The following MAGEA8 variants were observed in gnomAD, a reference collection of about 807,000 sequenced individuals.
MAGEA8 encodes the protein MAGE family member A8.
For synonymous variants in MAGEA8, 104 were observed against 102.6 expected, an observed-to-expected ratio of 1.01 and a Z score of -0.08; for missense variants, 229 against 251.1, an observed-to-expected ratio of 0.91 and a Z score of 0.59.
intron 1 of MAGEA8, chrX:149,883,673 A>G (rs781803256): frequency 6.2e-5 from 7 of 112,217 alleles, no homozygotes; most frequent in African/African-American, 2.3e-4. Context: ...TGCCAGGAGA[A>G]AGATGAGGGC....
At chrX:149,881,668 C>CGGGCATGGCGGCT (rs2090730628) in intron 1 of MAGEA8, among the ~76,000 whole-genome samples, 1 of 103,612 alleles carries the variant, frequency 9.7e-6, no homozygotes, top group Non-Finnish European at 2.0e-5. Flanking sequence ...GCATGGCGGC[C>CGGGCATGGCGGCT]GGGCTCGCTG....
Position 149,885,427 on chromosome X carries a change from A to G in MAGEA8, c.*198A>G, listed in dbSNP as rs987143808. On this transcript the variant is annotated 3_prime_UTR_variant, in exon 3 of 3. Coordinates refer to ENST00000286482, the MANE Select transcript of MAGEA8 (RefSeq NM_005364.5). The stretch of plus-strand genomic sequence containing the variant: ...GGGAACACAGTGTGGACCATCTCTC[A>G]GTTCCTGTTCTATTGGGCGATTTGG... 5.3e-6 allele frequency: 2 copies of G among 380,264 alleles called. No homozygotes were observed. Among genetic ancestry groups the G allele is most frequent in the Admixed American group, 4.8e-5 (1 of 20,668 alleles). 31.3% of individuals were successfully genotyped at this position (380,264 alleles called of 1,213,427 possible).
In MAGEA8 at chrX:149,884,193, G is replaced by T. The variant is rs1479223365; in HGVS notation, c.-63-17G>T. ...AGTACCCAGCTGAGGCCTCTCACAC[G>T]CTTCCTCTCTCCCCAGGCCTGTGGG... On this transcript the variant is annotated splice_polypyrimidine_tract_variant and intron_variant, in intron 2 of 2. Coordinates refer to ENST00000286482, the MANE Select transcript of MAGEA8 (RefSeq NM_005364.5). 1.0e-5 allele frequency: 8 copies of T among 786,175 alleles called. No homozygotes were observed. Among genetic ancestry groups the T allele is most frequent in the Non-Finnish European group, 1.1e-5 (6 of 531,296 alleles). The allele number at this position is 786,175 out of a possible 1,213,427, so 64.8% of individuals were successfully genotyped here. A position where few individuals can be genotyped will look rare whatever the true frequency, so the allele number is the denominator to read the frequency against.
At chrX:149,881,591 A>AGGCATGGCGGCCG (rs781824148) in intron 1 of MAGEA8, among the ~76,000 whole-genome samples, 11,277 of 72,708 alleles carry the variant, frequency 0.16, 1,845 homozygotes, top group East Asian at 0.21. Flanking sequence ...GGGAAGCCCT[A>AGGCATGGCGGCCG]GGCATGGCGG....
rs140916437 is a variant in MAGEA8 at position 149,884,621 on chromosome X, G to A, written c.349G>A (p.Ala117Thr). The change falls in exon 3 of 3, where the codon GCT becomes ACT. Residue 117 changes from alanine to threonine, a missense_variant. Physicochemically the swap from Ala to Thr is moderately conservative, Grantham distance 58. Coordinates refer to ENST00000286482, the MANE Select transcript of MAGEA8 (RefSeq NM_005364.5). ...CCGGGAAGCACTTGATGAGAAAGTGGCTGAGTTAGTTCGTTTCCTGCTCCG... is the reference window on the plus strand; with the variant it reads ...CCGGGAAGCACTTGATGAGAAAGTGACTGAGTTAGTTCGTTTCCTGCTCCG... ...LFREALDEKV[A>T]ELVRFLLRKY... 4.0e-4 allele frequency: 489 copies of A among 1,209,570 alleles called. 1 individual carries two copies. The highest frequency in any genetic ancestry group is 2.8e-3 in the Middle Eastern group (12 of 4,338).
In MAGEA8 at chrX:149,884,640, T is replaced by C. The variant is rs1351152400; in HGVS notation, c.368T>C (p.Leu123Pro). 1.2e-5 allele frequency: 15 copies of C among 1,209,685 alleles called. No individual in the cohort carries two copies. The highest frequency in any genetic ancestry group is 1.7e-5 in the African/African-American group (1 of 57,374). The change falls in exon 3 of 3, where the codon CTG becomes CCG. Residue 123 changes from leucine to proline, a missense_variant. Physicochemically the swap from Leu to Pro is moderately conservative, Grantham distance 98. Coordinates refer to ENST00000286482, the MANE Select transcript of MAGEA8 (RefSeq NM_005364.5). ...DEKVAELVRFLLRKYQIKEPV... is the reference protein window; with the variant it reads ...DEKVAELVRFPLRKYQIKEPV... Reference sequence around the variant, plus strand: ...AAAGTGGCTGAGTTAGTTCGTTTCCTGCTCCGCAAATATCAAATTAAGGAG... The same window carrying C: ...AAAGTGGCTGAGTTAGTTCGTTTCCCGCTCCGCAAATATCAAATTAAGGAG...
chrX:149,885,094 C>T lies in MAGEA8; in HGVS notation c.822C>T (p.Phe274=), dbSNP rs1040224114. The part of the protein sequence containing the change: ...APGSDPVRYE[F]LWGPRALAET... The stretch of plus-strand genomic sequence containing the variant: ...GCAGTGATCCTGTGCGCTACGAGTT[C>T]CTGTGGGGTCCAAGGGCCCTTGCTG... Residue 274 remains phenylalanine (F), a synonymous_variant, in exon 3 of 3, where the codon TTC becomes TTT. Transcript: ENST00000286482. 25 of 1,210,013 alleles carry T rather than the reference C, an allele frequency of 2.1e-5. No homozygotes were observed. The highest frequency in any genetic ancestry group is 2.8e-5 in the Non-Finnish European group (25 of 895,050).
Position 149,885,329 on chromosome X carries a change from G to A in MAGEA8, c.*100G>A. On this transcript the variant is annotated 3_prime_UTR_variant, in exon 3 of 3. Transcript: ENST00000286482. The stretch of plus-strand genomic sequence containing the variant: ...CACCACTTTCCCTGCTCTGTTACAT[G>A]AGGCCCATTCTTCACTCTGTGTTTG... 1 of 623,481 alleles carries A rather than the reference G, an allele frequency of 1.6e-6. No homozygotes were observed. Among genetic ancestry groups the A allele is most frequent in the Non-Finnish European group, 2.5e-6 (1 of 392,228 alleles). The allele number at this position is 623,481 out of a possible 1,213,427, so 51.4% of individuals were successfully genotyped here.
chrX:149,881,609 TGGCGGCCGGGCATGGCGGCCGGG>T (rs2090728955), intron 1 of MAGEA8, among the ~76,000 whole-genome samples: 3 of 96,164 alleles, frequency 3.1e-5, no homozygotes, highest in African/African-American at 1.1e-4. Flanking sequence ...CGGCCGGGCA[TGGCGGCCGGGCATGGCGGCCGGG>T]CATGGCGGCC....
In MAGEA8 at chrX:149,885,488, T is replaced by C; in HGVS notation, c.*259T>C. On this transcript the variant is annotated 3_prime_UTR_variant, in exon 3 of 3. Transcript: ENST00000286482. ...TTGTTTCCTTTTGGAATTGTTCCAA[T>C]GTTCCTTCTAATGGATGGTGTAATG... 2.8e-6 allele frequency: 1 copy of C among 356,108 alleles called. No homozygotes were observed. Among genetic ancestry groups the C allele is most frequent in the Non-Finnish European group, 5.0e-6 (1 of 200,484 alleles). 29.3% of individuals were successfully genotyped at this position (356,108 alleles called of 1,213,427 possible).
chrX:149,884,711 A>G lies in MAGEA8; in HGVS notation c.439A>G (p.Lys147Glu). The change falls in exon 3 of 3, where the codon AAG (lysine) becomes GAG (glutamate). Residue 147 changes from lysine (K) to glutamate (E), a missense_variant. Physicochemically the swap from Lys to Glu is moderately conservative, Grantham distance 56. Coordinates refer to ENST00000286482, the MANE Select transcript of MAGEA8 (RefSeq NM_005364.5). The part of the protein sequence containing the change: ...EMLESVIKNY[K>E]NHFPDIFSKA... ...GCTTGAGAGTGTCATCAAAAATTAC[A>G]AGAACCACTTTCCTGATATCTTCAG... 8.3e-7 allele frequency: 1 copy of G among 1,211,616 alleles called. No homozygotes were observed. The highest frequency in any genetic ancestry group is 1.1e-6 in the Non-Finnish European group (1 of 895,292).
chrX:149,884,308 T>A lies in MAGEA8; in HGVS notation c.36T>A (p.Ala12=), dbSNP rs138727309. The A allele has an allele frequency of 4.7e-5, 57 of 1,202,604 alleles. No individual in the cohort carries two copies. In the East Asian group the frequency reaches 1.6e-3, roughly 33 times the overall value. Residue 12 remains alanine (A), a synonymous_variant, in exon 3 of 3, where the codon GCT becomes GCA. Coordinates refer to ENST00000286482, the MANE Select transcript of MAGEA8 (RefSeq NM_005364.5). ...LLGQKSQRYK[A]EEGLQAQGEA... is the part of the protein sequence containing the mutation. ...GGCAGAAGAGTCAGCGCTACAAGGCTGAGGAAGGCCTTCAGGCCCAAGGAG... is the reference window on the plus strand; with the variant it reads ...GGCAGAAGAGTCAGCGCTACAAGGCAGAGGAAGGCCTTCAGGCCCAAGGAG...
intron 1 of MAGEA8, chrX:149,883,433 C>T (rs2090742265): frequency 8.8e-6 from 1 of 113,646 alleles, no homozygotes; most frequent in Non-Finnish European, 1.9e-5. Context: ...CTCAGGTCAG[C>T]CCAGGACACA....
In MAGEA8 at chrX:149,885,246, G is replaced by C. The variant is rs782598206; in HGVS notation, c.*17G>C. On this transcript the variant is annotated 3_prime_UTR_variant, in exon 3 of 3. Transcript: ENST00000286482. ...GGAGTTTGAGCAGGAGTTGCAGCTA[G>C]GGCCAGTGGGGCAGGTTGTGGGAGG... The C allele has an allele frequency of 3.5e-6, 4 of 1,136,556 alleles. No individual in the cohort carries two copies. The highest frequency in any genetic ancestry group is 4.7e-6 in the Non-Finnish European group (4 of 843,929). 93.7% of individuals were successfully genotyped at this position (1,136,556 alleles called of 1,213,427 possible). A position where few individuals can be genotyped will look rare whatever the true frequency, so the allele number is the denominator to read the frequency against.
At chrX:149,883,983 C>A (rs1245938557) in intron 1 of MAGEA8, 90 bp from the exon 2 acceptor site, 1 of 307,482 alleles carries the variant, frequency 3.3e-6, no homozygotes, top group African/African-American at 2.7e-5. Context: ...CCCCACAGTT[C>A]CTGGCCCTAC....
At chrX:149,882,349 A>C in intron 1 of MAGEA8, among the ~76,000 whole-genome samples, 1 of 111,476 alleles carries the variant, frequency 9.0e-6, no homozygotes, top group Non-Finnish European at 1.9e-5. Context: ...CAGACAGAGA[A>C]AGACCCCATG....
At position 149,884,831 on chromosome X, in the gene MAGEA8, C is replaced by G. The variant is rs201045945; in HGVS notation, c.559C>G (p.Leu187Val). 3.3e-6 allele frequency: 4 copies of G among 1,209,559 alleles called. No homozygotes were observed. The Admixed American group carries it at 6.5e-5, about 20-fold the overall frequency. The change falls in exon 3 of 3, where the codon CTC becomes GTC. Residue 187 changes from leucine (L) to valine (V), a missense_variant. Leu to Val is a conservative substitution (Grantham distance 32). Coordinates refer to ENST00000286482, the MANE Select transcript of MAGEA8 (RefSeq NM_005364.5). ...HSYILVTCLG[L>V]SYDGLLGDDQ... is the part of the protein sequence containing the mutation. ...CTACATCCTTGTCACCTGCCTGGGCCTCTCCTATGATGGCCTGCTGGGTGA... is the reference window on the plus strand; with the variant it reads ...CTACATCCTTGTCACCTGCCTGGGCGTCTCCTATGATGGCCTGCTGGGTGA...
At position 149,884,116 on chromosome X, in the gene MAGEA8, G is replaced by C; in HGVS notation, c.-82G>C. On this transcript the variant is annotated 5_prime_UTR_variant, in exon 2 of 3. Transcript: ENST00000286482. The stretch of plus-strand genomic sequence containing the variant: ...AGCCAGGAGGTCAGGAGGCCCCAGA[G>C]AAGCACTGAAGAAGACCTGTAAGTA... The C allele has an allele frequency of 1.1e-5, 5 of 456,695 alleles. No individual in the cohort carries two copies. The highest frequency in any genetic ancestry group is 1.5e-5 in the Non-Finnish European group (4 of 260,916). 37.6% of individuals were successfully genotyped at this position (456,695 alleles called of 1,213,427 possible).
Position 149,885,362 on chromosome X carries a change from C to G in MAGEA8, c.*133C>G. On this transcript the variant is annotated 3_prime_UTR_variant, in exon 3 of 3. Coordinates refer to ENST00000286482, the MANE Select transcript of MAGEA8 (RefSeq NM_005364.5). ...TTCTTCACTCTGTGTTTGAAGAGAG[C>G]AGTCACAGTTCTCAGTAGTGGGGAG... The G allele has an allele frequency of 2.0e-6, 1 of 507,216 alleles. No homozygotes were observed. The highest frequency in any genetic ancestry group is 3.8e-5 in the South Asian group (1 of 26,345). The allele number at this position is 507,216 out of a possible 1,213,427, so 41.8% of individuals were successfully genotyped here.
Sources: allele counts gnomAD v4.1 joint callset (sites outside exome capture counted in the v4.1 genomes callset), GRCh38; gene constraint gnomAD v4.1.1; transcripts MANE v1.5; gene names NCBI Gene and HGNC (gene_info 2026-07-23, HGNC 2026-07-21).